ALDH1A2: variants seen among roughly 807,000 people sequenced by gnomAD.
ALDH1A2 encodes the protein retinal dehydrogenase 2.
Under a neutral mutation model 60.3 loss-of-function variants are expected in ALDH1A2, and 27 were observed. The observed-to-expected ratio is 0.45, with a 90% CI of 0.33 to 0.62. The LOEUF is 0.62. Ranked by LOEUF, ALDH1A2 falls within the 20% of genes least tolerant of loss-of-function variation. The probability of loss-of-function intolerance (pLI) is 0.02; values close to 1 mark genes in which losing one functional copy is unlikely to be tolerated. For synonymous variants in ALDH1A2, 289 were observed against 232.4 expected (o/e 1.24, Z -2.21); for missense variants, 581 against 643.8 (o/e 0.90, Z 1.06).
chr15:57,972,275 G>C (rs2140462159), intron 7 of ALDH1A2, among the ~76,000 whole-genome samples: 1 of 152,252 alleles, frequency 6.6e-6, no homozygotes, highest in Admixed American at 6.5e-5. Flanking sequence ...CTCTTCTCCA[G>C]ACCTTCTCCT....
At chr15:57,965,405 A>G (rs1412952279) in intron 8 of ALDH1A2, among the ~76,000 whole-genome samples, 1 of 152,214 alleles carries the variant, frequency 6.6e-6, no homozygotes, top group Non-Finnish European at 1.5e-5. Flanking sequence ...ATCTAGGCAG[A>G]GAGACTATCC....
intron 1 of ALDH1A2, among the ~76,000 whole-genome samples, chr15:58,028,350 T>C (rs1420419683): frequency 1.3e-5 from 2 of 152,206 alleles, no homozygotes; most frequent in African/African-American, 4.8e-5. Flanking sequence ...AAGCAAATGC[T>C]GAGAGATTTT....
intron 1 of ALDH1A2, among the ~76,000 whole-genome samples, chr15:58,063,326 C>T (rs1307476503): frequency 2.6e-5 from 4 of 152,156 alleles, no homozygotes; most frequent in Non-Finnish European, 5.9e-5. Context: ...ACGCGTAATA[C>T]TTTTGTAGCC....
At chr15:58,040,321 G>A (rs971909183) in intron 1 of ALDH1A2, among the ~76,000 whole-genome samples, 1 of 151,830 alleles carries the variant, frequency 6.6e-6, no homozygotes, top group African/African-American at 2.4e-5. Context: ...AATAGAACAC[G>A]TTTACTCAGG....
intron 4 of ALDH1A2, among the ~76,000 whole-genome samples, chr15:58,004,410 T>C (rs894710381): frequency 5.9e-5 from 9 of 151,836 alleles, no homozygotes; most frequent in African/African-American, 2.2e-4. Flanking sequence ...GGGCTTCTAG[T>C]GCGCCCATCA....
chr15:58,048,501 T>C (rs551925846), intron 1 of ALDH1A2, among the ~76,000 whole-genome samples: 1 of 152,068 alleles, frequency 6.6e-6, no homozygotes, highest in Non-Finnish European at 1.5e-5. Flanking sequence ...CAGCCTTTGA[T>C]GGACAAGGCC....
chr15:58,035,873 A>G (rs1372254207), intron 1 of ALDH1A2, among the ~76,000 whole-genome samples: 1 of 151,634 alleles, frequency 6.6e-6, no homozygotes, highest in Admixed American at 6.6e-5. Context: ...AAAAATGTGC[A>G]TTTTGCTGAT....
chr15:57,980,109 C>G (rs1403692355), intron 7 of ALDH1A2: 1 of 299,778 alleles, frequency 3.3e-6, no homozygotes, highest in Non-Finnish European at 6.9e-6. Context: ...ACGGTCATGC[C>G]CAACTGGCTG....
intron 1 of ALDH1A2, among the ~76,000 whole-genome samples, chr15:58,023,488 G>A (rs1260400166): frequency 3.3e-5 from 5 of 152,184 alleles, no homozygotes; most frequent in South Asian, 2.1e-4. Context: ...TTTCTACATA[G>A]CATATTGTTA....
chr15:57,959,793 A>G (rs1480863465), intron 12 of ALDH1A2, among the ~76,000 whole-genome samples: 1 of 152,176 alleles, frequency 6.6e-6, no homozygotes, highest in African/African-American at 2.4e-5. Context: ...TCCAAGCTAT[A>G]CCTACTTTAT....
chr15:57,970,849 C>T (rs1001476988), intron 7 of ALDH1A2, among the ~76,000 whole-genome samples: 2 of 152,176 alleles, frequency 1.3e-5, no homozygotes, highest in Non-Finnish European at 2.9e-5. Flanking sequence ...TCCCTCTTCT[C>T]CTTTCTTAAT....
At chr15:57,963,160 A>G (rs1186102009) in intron 9 of ALDH1A2, among the ~76,000 whole-genome samples, 2 of 152,168 alleles carry the variant, frequency 1.3e-5, no homozygotes, top group Non-Finnish European at 2.9e-5. Flanking sequence ...GGCAGCTCGT[A>G]AAAGGATAGA....
intron 1 of ALDH1A2, among the ~76,000 whole-genome samples, chr15:58,032,217 A>G (rs1192462496): frequency 1.3e-4 from 20 of 152,144 alleles, no homozygotes; most frequent in Non-Finnish European, 2.5e-4. Flanking sequence ...GACATGGATG[A>G]AGCTGGAAAC....
At chr15:57,957,779 T>C (rs1427696406) in intron 12 of ALDH1A2, among the ~76,000 whole-genome samples, 1 of 152,212 alleles carries the variant, frequency 6.6e-6, no homozygotes, top group Non-Finnish European at 1.5e-5. Context: ...GACTTGCTCA[T>C]AAAACAAGTA....
At chr15:57,995,043 G>A in intron 5 of ALDH1A2, 35 bp downstream of exon 5, 1 of 1,573,596 alleles carries the variant, frequency 6.4e-7, no homozygotes, top group Non-Finnish European at 8.7e-7. Flanking sequence ...TGGGTCAAAT[G>A]AAAATAAATA....
At chr15:58,026,005 C>T (rs532201031) in intron 1 of ALDH1A2, among the ~76,000 whole-genome samples, 1 of 152,174 alleles carries the variant, frequency 6.6e-6, no homozygotes, top group Non-Finnish European at 1.5e-5. Flanking sequence ...TTGGGGATCA[C>T]ATTGCCACAT....
chr15:57,976,406 C>T (rs941415248), intron 7 of ALDH1A2, among the ~76,000 whole-genome samples: 2 of 152,158 alleles, frequency 1.3e-5, no homozygotes, highest in Admixed American at 6.5e-5. Context: ...AGCTATTTCT[C>T]CTAATGTTAT....
intron 1 of ALDH1A2, among the ~76,000 whole-genome samples, chr15:58,062,070 TAAAA>T (rs1299537350): frequency 6.6e-6 from 1 of 152,160 alleles, no homozygotes; most frequent in Non-Finnish European, 1.5e-5. Flanking sequence ...AATGAATAAA[TAAAA>T]AGACAAATCT....
chr15:58,005,436 TA>T (rs1319157665), intron 4 of ALDH1A2, among the ~76,000 whole-genome samples: 2 of 151,808 alleles, frequency 1.3e-5, no homozygotes, highest in Non-Finnish European at 2.9e-5. Flanking sequence ...TAGCAGATGC[TA>T]AAAAAAATCT....
Sources: allele counts gnomAD v4.1 joint callset (sites outside exome capture counted in the v4.1 genomes callset), GRCh38; gene constraint gnomAD v4.1.1; transcripts MANE v1.5; gene names NCBI Gene and HGNC (gene_info 2026-07-23, HGNC 2026-07-21).